NRXN3: variants seen among roughly 807,000 people sequenced by gnomAD.
The protein encoded by NRXN3 is neurexin III.
In NRXN3, 32 loss-of-function variants were observed where a neutral mutation model predicts 137.6. The ratio of observed to expected loss-of-function variants is 0.23; its 90% CI spans 0.18 to 0.31. The LOEUF (loss-of-function observed/expected upper bound fraction) is 0.31. Ranked by LOEUF, NRXN3 falls within the 10% of genes least tolerant of loss-of-function variation. The pLI, the probability that NRXN3 is intolerant of heterozygous loss-of-function variation, is 1.00. For synonymous variants in NRXN3, 798 were observed against 784.5 expected (o/e 1.02, Z -0.29); for missense variants, 1,574 against 2,062.5 (o/e 0.76, Z 4.59).
intron 6 of NRXN3, among the ~76,000 whole-genome samples, chr14:78,689,665 G>T (rs1292583343): frequency 6.6e-6 from 1 of 152,136 alleles, no homozygotes; most frequent in Non-Finnish European, 1.5e-5. Flanking sequence ...TAGGAATATA[G>T]TACAGGGTAA....
At chr14:78,280,871 C>T (rs2074314735) in intron 3 of NRXN3, among the ~76,000 whole-genome samples, 1 of 152,276 alleles carries the variant, frequency 6.6e-6, no homozygotes, top group African/African-American at 2.4e-5. Flanking sequence ...AATTTCATGG[C>T]TGTTGTCTCA....
intron 15 of NRXN3, among the ~76,000 whole-genome samples, chr14:79,455,230 A>G (rs1038031515): frequency 1.3e-5 from 2 of 152,300 alleles, no homozygotes; most frequent in East Asian, 1.9e-4. Context: ...ATCTTCTTCT[A>G]TAACCTCACA....
intron 4 of NRXN3, among the ~76,000 whole-genome samples, chr14:78,343,041 CT>C (rs1439481483): frequency 6.6e-6 from 1 of 152,106 alleles, no homozygotes; most frequent in Non-Finnish European, 1.5e-5. Context: ...CAACTGGGAA[CT>C]GTTAGAAAAG....
At chr14:79,154,780 A>G (rs868182284) in intron 15 of NRXN3, among the ~76,000 whole-genome samples, 10 of 152,020 alleles carry the variant, frequency 6.6e-5, no homozygotes, top group Middle Eastern at 3.4e-3. Flanking sequence ...TTATCATTAA[A>G]CTACTTGATA....
intron 16 of NRXN3, among the ~76,000 whole-genome samples, chr14:79,585,487 C>G (rs761623948): frequency 6.6e-6 from 1 of 151,984 alleles, no homozygotes; most frequent in Non-Finnish European, 1.5e-5. Context: ...GAGATTGAGA[C>G]CATCCTGGCC....
chr14:78,279,950 A>G (rs1414265557), intron 3 of NRXN3, among the ~76,000 whole-genome samples: 1 of 152,214 alleles, frequency 6.6e-6, no homozygotes, highest in Non-Finnish European at 1.5e-5. Context: ...CAGTTATTCT[A>G]CTTAATGCAG....
At chr14:78,730,135 G>A (rs924877575) in intron 8 of NRXN3, among the ~76,000 whole-genome samples, 4 of 152,142 alleles carry the variant, frequency 2.6e-5, no homozygotes, top group Non-Finnish European at 2.9e-5. Context: ...ATTAGCTATA[G>A]AGCGGCAAGA....
chr14:79,442,481 C>T (rs1379741033), intron 15 of NRXN3, among the ~76,000 whole-genome samples: 8 of 152,102 alleles, frequency 5.3e-5, no homozygotes, highest in Non-Finnish European at 1.2e-4. Context: ...TGCCAGTAAG[C>T]CTATAGAAAA....
At chr14:79,785,064 C>T (rs2099125357) in intron 19 of NRXN3, among the ~76,000 whole-genome samples, 1 of 152,188 alleles carries the variant, frequency 6.6e-6, no homozygotes, top group African/African-American at 2.4e-5. Flanking sequence ...GAGGTGAAAA[C>T]AGGTATTCCA....
intron 15 of NRXN3, among the ~76,000 whole-genome samples, chr14:79,170,436 C>T (rs952726647): frequency 5.9e-5 from 9 of 152,034 alleles, no homozygotes. Context: ...GGGTGCTATC[C>T]ACAGTAGGTG....
At chr14:79,855,089 T>C (rs1213245906) in intron 20 of NRXN3, among the ~76,000 whole-genome samples, 2 of 152,152 alleles carry the variant, frequency 1.3e-5, no homozygotes, top group Non-Finnish European at 2.9e-5. Flanking sequence ...CAGGTAAGCT[T>C]TCAGGGATCT....
rs1296882987 is a variant in NRXN3, at chr14:79,861,225, A to T, written c.4094-117A>T. 1 of 1,534,506 alleles carries T rather than the reference A, an allele frequency of 6.5e-7. No homozygotes were observed. Among genetic ancestry groups the T allele is most frequent in the African/African-American group, 1.4e-5 (1 of 72,810 alleles). ...CCTTGCTTGTCGGACCAAGGCAGCG[A>T]TGGTTGTGATGATGATGGCTTGGTG... On this transcript the variant is annotated intron_variant, in intron 20 of 20. Coordinates refer to ENST00000335750, the MANE Select transcript of NRXN3 (RefSeq NM_001330195.2). The surrounding 1 kb of genome is among the most constrained non-coding windows in gnomAD (Gnocchi z 5.4).
At chr14:78,408,110 A>G (rs140846097) in intron 4 of NRXN3, among the ~76,000 whole-genome samples, 40 of 152,278 alleles carry the variant, frequency 2.6e-4, no homozygotes, top group African/African-American at 9.1e-4. Flanking sequence ...TTTCCATCTC[A>G]TGAAGATGTT....
At chr14:78,207,900 T>G (rs1296245329) in intron 1 of NRXN3, among the ~76,000 whole-genome samples, 1 of 152,184 alleles carries the variant, frequency 6.6e-6, no homozygotes, top group African/African-American at 2.4e-5. Context: ...GTAGAAATCT[T>G]AAGGAAATAA....
At chr14:78,525,980 G>C (rs77236002) in intron 4 of NRXN3, among the ~76,000 whole-genome samples, 6,818 of 152,242 alleles carry the variant, frequency 0.045, 208 homozygotes, top group Non-Finnish European at 0.066. Context: ...TGACTGAAAG[G>C]GGATTCATAA....
chr14:79,738,656 T>G (rs1300709469), intron 19 of NRXN3, among the ~76,000 whole-genome samples: 1 of 152,172 alleles, frequency 6.6e-6, no homozygotes, highest in Non-Finnish European at 1.5e-5. Context: ...CCTCCCGTCT[T>G]CAAGTGTTTC....
At chr14:79,501,300 C>A (rs78228088) in intron 16 of NRXN3, among the ~76,000 whole-genome samples, 1 of 152,072 alleles carries the variant, frequency 6.6e-6, no homozygotes, top group African/African-American at 2.4e-5. Context: ...CTCCCTCCCC[C>A]GCTTCTACTA....
intron 17 of NRXN3, among the ~76,000 whole-genome samples, chr14:79,682,567 G>A (rs757478464): frequency 1.3e-5 from 2 of 152,224 alleles, no homozygotes; most frequent in Admixed American, 1.3e-4. Flanking sequence ...CAAACAAATA[G>A]GAGTGTAGAC....
At chr14:79,560,282 A>C (rs2097478808) in intron 16 of NRXN3, among the ~76,000 whole-genome samples, 2 of 152,000 alleles carry the variant, frequency 1.3e-5, no homozygotes, top group African/African-American at 4.8e-5. Context: ...CTTTCTAAAA[A>C]ATTATGGATA....
Sources: allele counts gnomAD v4.1 joint callset (sites outside exome capture counted in the v4.1 genomes callset), GRCh38; gene constraint gnomAD v4.1.1; non-coding constraint Gnocchi (gnomAD v3.1); transcripts MANE v1.5; gene names NCBI Gene and HGNC (gene_info 2026-07-23, HGNC 2026-07-21).